Variants in LSM14A observed in about 807,000 individuals in gnomAD.
The protein encoded by LSM14A is LSM14A mRNA processing body assembly factor, also known as protein LSM14 homolog A.
In LSM14A, 14 loss-of-function variants were observed where a neutral mutation model predicts 52.4. The observed-to-expected ratio is 0.27, with a 90% CI of 0.18 to 0.42. LSM14A has a LOEUF of 0.42. Among genes scored for constraint, LSM14A ranks in the 10% least tolerant of loss-of-function variants. The pLI is 1.00. For missense variants in LSM14A, 417 were observed against 581.8 expected (o/e 0.72, Z 2.91); for synonymous variants, 185 against 200.3 (o/e 0.92, Z 0.64).
chr19:34,198,062 TAA>T (rs536374198), intron 3 of LSM14A, among the ~76,000 whole-genome samples: 5 of 145,668 alleles, frequency 3.4e-5, no homozygotes, highest in Admixed American at 1.4e-4. Flanking sequence ...AGCTCAAGTG[TAA>T]AAAAAAAAAA....
At chr19:34,211,722 G>C (rs371604422) in intron 4 of LSM14A, among the ~76,000 whole-genome samples, 1 of 150,672 alleles carries the variant, frequency 6.6e-6, no homozygotes, top group Non-Finnish European at 1.5e-5. Flanking sequence ...CCAGGAGGCC[G>C]AGGCTGCAGT....
intron 4 of LSM14A, 43 bp downstream of exon 4, chr19:34,209,094 A>C: frequency 6.7e-7 from 1 of 1,498,364 alleles, no homozygotes; most frequent in South Asian, 1.3e-5. Flanking sequence ...CTAAACTTTT[A>C]TAGTGGTTTT....
intron 4 of LSM14A, among the ~76,000 whole-genome samples, chr19:34,212,519 A>C (rs1167941457): frequency 6.6e-6 from 1 of 152,190 alleles, no homozygotes; most frequent in Non-Finnish European, 1.5e-5. Flanking sequence ...TTATTAAAAG[A>C]AAGAGGTGTA....
chr19:34,208,995 C>G lies in LSM14A; in HGVS notation c.482C>G (p.Ala161Gly), dbSNP rs572136254. 1 of 1,611,022 alleles carries G rather than the reference C, an allele frequency of 6.2e-7. No individual in the cohort carries two copies. The highest frequency in any genetic ancestry group is 2.2e-5 in the East Asian group (1 of 44,850). ...AGTGGTACCTTACCCCAAAGTAGTG[C>G]GGTTGGTTCTGCCTTTACACAGGAT... ...SNSGTLPQSSAVGSAFTQDTR... is the reference protein window; with the variant it reads ...SNSGTLPQSSGVGSAFTQDTR... Residue 161 changes from alanine (A) to glycine (G), a missense_variant, in exon 4 of 10, where the codon GCG (alanine) becomes GGG (glycine). By Grantham distance (60) the Ala-to-Gly change is moderately conservative. Around this residue, in one of 2 missense-constraint regions of LSM14A, gnomAD observed 357 missense variants for 457.0 expected, o/e 0.78. Coordinates refer to ENST00000544216, the MANE Select transcript of LSM14A (RefSeq NM_015578.4).
chr19:34,175,855 G>GTT (rs141249058), intron 1 of LSM14A, among the ~76,000 whole-genome samples: 43 of 150,862 alleles, frequency 2.9e-4, no homozygotes, highest in South Asian at 6.3e-4. Flanking sequence ...TTTTGTTTTC[G>GTT]TTTTTTTTTG....
intron 1 of LSM14A, among the ~76,000 whole-genome samples, chr19:34,177,611 G>A (rs1339195426): frequency 1.3e-5 from 2 of 152,162 alleles, no homozygotes; most frequent in Admixed American, 1.3e-4. Context: ...TCCCGGCTGG[G>A]CAGGGTGACT....
chr19:34,177,809 T>C (rs2069184413), intron 1 of LSM14A, among the ~76,000 whole-genome samples: 1 of 152,240 alleles, frequency 6.6e-6, no homozygotes, highest in East Asian at 1.9e-4. Context: ...GGCAGGGGGA[T>C]TGCTTGAGCC....
chr19:34,212,751 A>G (rs555998648), intron 4 of LSM14A, among the ~76,000 whole-genome samples: 2 of 152,306 alleles, frequency 1.3e-5, no homozygotes, highest in South Asian at 4.1e-4. Flanking sequence ...TTCCCTGTTT[A>G]TAACAAAACT....
chr19:34,218,585 T>C (rs1454895412), intron 6 of LSM14A, among the ~76,000 whole-genome samples: 1 of 152,234 alleles, frequency 6.6e-6, no homozygotes. Context: ...TCATACTGGT[T>C]TCTGTTCTGC....
chr19:34,215,296 G>T lies in LSM14A; in HGVS notation c.711G>T (p.Arg237Ser), dbSNP rs138472295. The T allele has an allele frequency of 1.2e-6, 2 of 1,610,442 alleles. No homozygotes were observed. The highest frequency in any genetic ancestry group is 2.7e-5 in the African/African-American group (2 of 74,746). ...AGGCAGGAGAGAATCAGGAGCACAG[G>T]CGAGGTAGAACTTTAGCTGTTTACT... ...SQKAGENQEHRRAEVHKVSRP... is the reference protein window; with the variant it reads ...SQKAGENQEHSRAEVHKVSRP... Residue 237 changes from arginine to serine, a missense_variant, in exon 5 of 10, where the codon AGG becomes AGT. Arg to Ser is a moderately radical substitution (Grantham distance 110). Around this residue, in one of 2 missense-constraint regions of LSM14A, gnomAD observed 357 missense variants for 457.0 expected, o/e 0.78. Transcript: ENST00000544216.
intron 3 of LSM14A, among the ~76,000 whole-genome samples, chr19:34,206,761 T>C (rs2071731602): frequency 4.6e-5 from 7 of 152,190 alleles, no homozygotes; most frequent in Admixed American, 4.6e-4. Context: ...AAATACCAAC[T>C]GTGACTGGAT....
At chr19:34,182,834 T>TC (rs1399252658) in intron 1 of LSM14A, among the ~76,000 whole-genome samples, 33 of 115,650 alleles carry the variant, frequency 2.9e-4, no homozygotes, top group Admixed American at 3.7e-4. Context: ...ACAGTGAGAC[T>TC]CCATCTCAAA....
intron 3 of LSM14A, among the ~76,000 whole-genome samples, chr19:34,201,490 G>T (rs1373608648): frequency 6.6e-6 from 1 of 152,078 alleles, no homozygotes; most frequent in Non-Finnish European, 1.5e-5. Context: ...TTACAAGCAT[G>T]TGCCACCACG....
At chr19:34,199,388 C>T (rs1297335182) in intron 3 of LSM14A, among the ~76,000 whole-genome samples, 7 of 152,098 alleles carry the variant, frequency 4.6e-5, no homozygotes, top group Admixed American at 3.9e-4. Context: ...ATCTTGGCCT[C>T]CAAAAGTGTT....
chr19:34,189,955 A>G (rs1376370048), intron 1 of LSM14A, among the ~76,000 whole-genome samples: 1 of 152,202 alleles, frequency 6.6e-6, no homozygotes, highest in Non-Finnish European at 1.5e-5. Context: ...GTTACCTGCA[A>G]ATGCAAAAAC....
chr19:34,223,487 A>G (rs2073176565), intron 9 of LSM14A, among the ~76,000 whole-genome samples: 1 of 152,124 alleles, frequency 6.6e-6, no homozygotes, highest in African/African-American at 2.4e-5. Context: ...GACTGATCTC[A>G]TCATCTTCCT....
chr19:34,195,488 T>C (rs994930625), intron 2 of LSM14A, among the ~76,000 whole-genome samples: 4 of 152,198 alleles, frequency 2.6e-5, no homozygotes, highest in Non-Finnish European at 5.9e-5. Flanking sequence ...TGCAATGTTA[T>C]ATAATAAGAA....
Position 34,175,793 on chromosome 19 carries a change from T to G in LSM14A, c.121+3030T>G, listed in dbSNP as rs573224822. On this transcript the variant is annotated intron_variant, in intron 1 of 9. Transcript: ENST00000544216. ...GAAAATTTCACCTTCCATTTCAAAA[T>G]TTGAACGAAGAATGGTAGTCTAAAA... is the stretch of plus-strand genomic sequence containing the variant. 7.2e-5 allele frequency among the ~76,000 whole-genome samples: 11 copies of G among 152,326 alleles called. No homozygotes were observed. The East Asian group carries it at 1.9e-3, about 27-fold the overall frequency.
At chr19:34,188,587 C>T (rs147350142) in intron 1 of LSM14A, among the ~76,000 whole-genome samples, 1 of 152,268 alleles carries the variant, frequency 6.6e-6, no homozygotes, top group Non-Finnish European at 1.5e-5. Context: ...TACTAAAATA[C>T]CCCTAGGCAT....
Sources: allele counts gnomAD v4.1 joint callset (sites outside exome capture counted in the v4.1 genomes callset), GRCh38; gene constraint gnomAD v4.1.1; regional missense constraint gnomAD v4.1.1; transcripts MANE v1.5; gene names NCBI Gene and HGNC (gene_info 2026-07-23, HGNC 2026-07-21).